VWA8: variants seen among roughly 807,000 people sequenced by gnomAD.
VWA8 encodes von Willebrand factor A domain-containing protein 8.
In VWA8, 221 loss-of-function variants were observed where a neutral mutation model predicts 241.5. The observed-to-expected ratio is 0.91, with a 90% CI of 0.82 to 1.02. The LOEUF (loss-of-function observed/expected upper bound fraction) is 1.02. Ranked by LOEUF, VWA8 falls within the 50% of genes least tolerant of loss-of-function variation. VWA8 has a pLI of 0.00. For missense variants in VWA8, 2,322 were observed against 2,328.7 expected (o/e 1.00, Z 0.06); for synonymous variants, 852 against 827.1 (o/e 1.03, Z -0.52).
rs1593791434 is a variant in VWA8 at position 41,816,666 on chromosome 13, T to C, written c.1947+32A>G. The C allele has an allele frequency of 4.4e-6, 7 of 1,574,480 alleles. No homozygotes were observed. The Admixed American group carries it at 7.2e-5, about 16-fold the overall frequency. On this transcript the variant is annotated intron_variant, in intron 16 of 44. Coordinates refer to ENST00000379310, the MANE Select transcript of VWA8 (RefSeq NM_015058.2). ...AAGAAAACCAGCAGCATGTCAACAATAGAAAATCCTGTGGAAAAAGCCTAG... is the reference window on the plus strand; with the variant it reads ...AAGAAAACCAGCAGCATGTCAACAACAGAAAATCCTGTGGAAAAAGCCTAG...
chr13:41,874,550 C>G (rs975090707), intron 9 of VWA8, among the ~76,000 whole-genome samples: 1 of 151,906 alleles, frequency 6.6e-6, no homozygotes, highest in Admixed American at 6.6e-5. Context: ...AACAGACAAA[C>G]AGAGAGCCAA....
At chr13:41,814,454 T>C (rs1356426331) in intron 16 of VWA8, among the ~76,000 whole-genome samples, 2 of 151,784 alleles carry the variant, frequency 1.3e-5, no homozygotes, top group East Asian at 3.9e-4. Context: ...CATTTGAGTA[T>C]AAGCGGTATT....
At chr13:41,575,880 A>T (rs1318234667) in intron 42 of VWA8, 42 bp from the exon 43 acceptor site, 1 of 1,441,658 alleles carries the variant, frequency 6.9e-7, no homozygotes, top group East Asian at 2.3e-5. Flanking sequence ...TTTTCTCCAC[A>T]AAAGAACAGT....
chr13:41,784,761 T>TAC (rs72123986), intron 18 of VWA8, among the ~76,000 whole-genome samples: 174 of 78,498 alleles, frequency 2.2e-3, no homozygotes, highest in African/African-American at 5.5e-3. Context: ...TATATATATA[T>TAC]ACACACACAC....
intron 16 of VWA8, among the ~76,000 whole-genome samples, chr13:41,814,455 A>G (rs1870602565): frequency 6.6e-6 from 1 of 151,994 alleles, no homozygotes; most frequent in Non-Finnish European, 1.5e-5. Context: ...ATTTGAGTAT[A>G]AGCGGTATTA....
In VWA8 at chr13:41,651,047, C is replaced by T. The variant is rs577027529; in HGVS notation, c.4611+19899G>A. Among the ~76,000 whole-genome samples the T allele has an allele frequency of 5.3e-5, 8 of 152,122 alleles. No individual in the cohort carries two copies. The East Asian group carries it at 1.4e-3, about 26-fold the overall frequency. ...TCATAAAATGCGTAATAAATATAAA[C>T]AGAAACCAAAACAACATGGTACTGG... On this transcript the variant is annotated intron_variant, in intron 37 of 44. Transcript: ENST00000379310.
At chr13:41,617,067 A>G (rs1237016782) in intron 37 of VWA8, among the ~76,000 whole-genome samples, 14 of 152,166 alleles carry the variant, frequency 9.2e-5, no homozygotes, top group Admixed American at 9.2e-4. Context: ...GTATGATTAC[A>G]GTCTAAATTT....
chr13:41,800,016 T>A (rs1490648160), intron 17 of VWA8, among the ~76,000 whole-genome samples: 3 of 152,222 alleles, frequency 2.0e-5, no homozygotes, highest in Non-Finnish European at 4.4e-5. Flanking sequence ...TTCTGGATAT[T>A]TCATGTAAAT....
intron 20 of VWA8, among the ~76,000 whole-genome samples, chr13:41,772,431 T>A (rs573392018): frequency 6.8e-6 from 1 of 147,930 alleles, no homozygotes; most frequent in South Asian, 2.2e-4. Context: ...TGGAAAGTCA[T>A]ACTGTGACAA....
intron 21 of VWA8, among the ~76,000 whole-genome samples, chr13:41,751,886 C>T (rs2045658856): frequency 6.6e-6 from 1 of 152,162 alleles, no homozygotes; most frequent in African/African-American, 2.4e-5. Context: ...GTAAGCATGA[C>T]TGACCACAGG....
chr13:41,619,852 T>C (rs576397033), intron 37 of VWA8, among the ~76,000 whole-genome samples: 4 of 152,212 alleles, frequency 2.6e-5, no homozygotes, highest in African/African-American at 4.8e-5. Flanking sequence ...CTTTTTGACA[T>C]GCTGCTGGAT....
chr13:41,746,726 T>C (rs907763639), intron 21 of VWA8, among the ~76,000 whole-genome samples: 3 of 152,204 alleles, frequency 2.0e-5, no homozygotes, highest in Admixed American at 6.6e-5. Flanking sequence ...GATATCACTA[T>C]TGACAAAAAT....
chr13:41,706,727 T>A (rs1337138514), intron 26 of VWA8, among the ~76,000 whole-genome samples: 2 of 152,344 alleles, frequency 1.3e-5, no homozygotes, highest in East Asian at 1.9e-4. Flanking sequence ...CAAAAGGCCC[T>A]CTATTCCCTT....
In VWA8 at chr13:41,631,930, C is replaced by T. The variant is rs2044729435; in HGVS notation, c.4612-16846G>A. ...ATTAACACTCACACAAGAACAACCGCTAATTAGATTGAGAGACAGCATGGG... is the reference window on the plus strand; with the variant it reads ...ATTAACACTCACACAAGAACAACCGTTAATTAGATTGAGAGACAGCATGGG... On this transcript the variant is annotated intron_variant, in intron 37 of 44. Coordinates refer to ENST00000379310, the MANE Select transcript of VWA8 (RefSeq NM_015058.2). Among the ~76,000 whole-genome samples, 3 of 152,150 alleles carry T rather than the reference C, an allele frequency of 2.0e-5. No homozygotes were observed. In the South Asian group the frequency reaches 6.2e-4, roughly 32 times the overall value.
At chr13:41,729,832 C>T (rs2137861902) in intron 22 of VWA8, among the ~76,000 whole-genome samples, 155 bp from the exon 23 acceptor site, 1 of 150,596 alleles carries the variant, frequency 6.6e-6, no homozygotes, top group East Asian at 1.9e-4. Flanking sequence ...CACACACACA[C>T]ACACACACAC....
At chr13:41,928,835 GGA>G (rs1876969505) in intron 2 of VWA8, among the ~76,000 whole-genome samples, 1 of 142,210 alleles carries the variant, frequency 7.0e-6, no homozygotes. Flanking sequence ...CTTGTTTAAG[GGA>G]AAAAAAAAAG....
chr13:41,819,176 C>A, intron 15 of VWA8, 42 bp downstream of exon 15: 1 of 1,560,176 alleles, frequency 6.4e-7, no homozygotes, highest in Non-Finnish European at 8.6e-7. Flanking sequence ...AAAAAGAGAT[C>A]AGCTTTTTAA....
rs1049452641 is a variant in VWA8 at position 41,811,300 on chromosome 13, A to G, written c.1988T>C (p.Leu663Ser). ...LAASLSTRQL[L>S]RISRRLSQYP... is the part of the protein sequence containing the mutation. Reference sequence around the variant, plus strand: ...CTGTGACAGCCGACGAGAAATTCGCAACAGTTGTCTGGTAGAAAGTGATGC... The same window carrying G: ...CTGTGACAGCCGACGAGAAATTCGCGACAGTTGTCTGGTAGAAAGTGATGC... The change falls in exon 17 of 45, where the codon TTG becomes TCG. Residue 663 changes from leucine to serine, a missense_variant. Leu to Ser is a moderately radical substitution (Grantham distance 145). Transcript: ENST00000379310. The G allele has an allele frequency of 6.2e-7, 1 of 1,610,992 alleles. No individual in the cohort carries two copies. The highest frequency in any genetic ancestry group is 1.3e-5 in the African/African-American group (1 of 74,868).
chr13:41,776,662 A>C (rs1447172746), intron 20 of VWA8, among the ~76,000 whole-genome samples: 1 of 152,166 alleles, frequency 6.6e-6, no homozygotes, highest in Non-Finnish European at 1.5e-5. Context: ...CTTCCCACGC[A>C]TTATCTCATG....
Sources: allele counts gnomAD v4.1 joint callset (sites outside exome capture counted in the v4.1 genomes callset), GRCh38; gene constraint gnomAD v4.1.1; transcripts MANE v1.5; gene names NCBI Gene and HGNC (gene_info 2026-07-23, HGNC 2026-07-21).